Variants in EHMT1 observed in about 807,000 individuals in gnomAD.
EHMT1 encodes euchromatic histone lysine methyltransferase 1.
A neutral mutation model predicts 147.2 loss-of-function variants in EHMT1; 15 were observed. The observed-to-expected ratio is 0.10, with a 90% CI of 0.07 to 0.16. The LOEUF (loss-of-function observed/expected upper bound fraction) is 0.16. EHMT1 is among the 10% of genes least tolerant of loss of function. The pLI, the probability that EHMT1 is intolerant of heterozygous loss-of-function variation, is 1.00. For synonymous variants in EHMT1, 795 were observed against 709.6 expected, an observed-to-expected ratio of 1.12 and a Z score of -1.91; for missense variants, 1,587 against 1,772.4, an observed-to-expected ratio of 0.90 and a Z score of 1.88.
intron 10 of EHMT1, among the ~76,000 whole-genome samples, chr9:137,773,218 T>C (rs1016414604): frequency 6.6e-6 from 1 of 152,228 alleles, no homozygotes; most frequent in African/African-American, 2.4e-5. Context: ...AATAACTTGT[T>C]TTTCCTTTAA....
At chr9:137,737,774 C>T (rs557924273) in intron 4 of EHMT1, among the ~76,000 whole-genome samples, 5 of 152,178 alleles carry the variant, frequency 3.3e-5, no homozygotes, top group South Asian at 2.1e-4. Context: ...ACACTGTTAA[C>T]GGAATAAAAA....
At chr9:137,685,047 T>C (rs1942306216) in intron 1 of EHMT1, among the ~76,000 whole-genome samples, 2 of 152,356 alleles carry the variant, frequency 1.3e-5, no homozygotes, top group South Asian at 4.1e-4. Flanking sequence ...TGTATACCTC[T>C]AAATCTTTTT....
intron 3 of EHMT1, among the ~76,000 whole-genome samples, chr9:137,717,548 G>C (rs1215525974): frequency 6.7e-6 from 1 of 149,940 alleles, no homozygotes; most frequent in African/African-American, 2.5e-5. Flanking sequence ...GGAGACTGCA[G>C]TGAGCCCGGA....
At chr9:137,674,904 A>G (rs1350233157) in intron 1 of EHMT1, 1 of 152,280 alleles carries the variant, frequency 6.6e-6, no homozygotes, top group Non-Finnish European at 1.5e-5. Context: ...TGACTGGCAC[A>G]TAGGATTTCT....
chr9:137,798,324 C>A (rs779561198), intron 16 of EHMT1, among the ~76,000 whole-genome samples: 2 of 151,986 alleles, frequency 1.3e-5, no homozygotes, highest in Non-Finnish European at 2.9e-5. Flanking sequence ...ATCACTTGAG[C>A]ATGGGAATCA....
intron 1 of EHMT1, among the ~76,000 whole-genome samples, chr9:137,664,584 T>G (rs78515203): frequency 6.9e-6 from 1 of 144,532 alleles, no homozygotes; most frequent in Admixed American, 7.0e-5. Flanking sequence ...CAGACTTTAA[T>G]TTTTTTTTTT....
chr9:137,803,405 T>A, intron 18 of EHMT1: 1 of 640,118 alleles, frequency 1.6e-6, no homozygotes, highest in Non-Finnish European at 1.9e-6. Flanking sequence ...CACCCATTGC[T>A]GGGCTTTCTG....
chr9:137,687,363 A>T (rs753074813), intron 1 of EHMT1, among the ~76,000 whole-genome samples: 3 of 152,210 alleles, frequency 2.0e-5, no homozygotes, highest in Non-Finnish European at 4.4e-5. Context: ...TAACAGCAGC[A>T]AAGCCAGTTG....
At chr9:137,834,017 C>T (rs1564844679) in intron 25 of EHMT1, 2 of 404,272 alleles carry the variant, frequency 4.9e-6, no homozygotes, top group East Asian at 5.3e-5. Flanking sequence ...CAGACAGCCC[C>T]ATGGGTCCTC....
At chr9:137,695,330 T>C (rs1943313140) in intron 1 of EHMT1, among the ~76,000 whole-genome samples, 1 of 152,182 alleles carries the variant, frequency 6.6e-6, no homozygotes, top group Admixed American at 6.5e-5. Flanking sequence ...CTGTGAGATC[T>C]GTGTGTCGGG....
intron 25 of EHMT1, chr9:137,819,932 C>G (rs1320613529): frequency 6.6e-6 from 1 of 152,048 alleles, no homozygotes; most frequent in African/African-American, 2.4e-5. Context: ...ACTGTAGCCT[C>G]GTTCCCATCA....
At chr9:137,705,066 A>AAACCTTGAACCAGCCTTGGTTCAAGGG (rs1944150763) in intron 1 of EHMT1, among the ~76,000 whole-genome samples, 1 of 151,404 alleles carries the variant, frequency 6.6e-6, no homozygotes, top group Non-Finnish European at 1.5e-5. Context: ...TGTTTCAAGG[A>AAACCTTGAACCAGCCTTGGTTCAAGGG]AACCTTGAAC....
chr9:137,834,773 G>A lies in EHMT1; in HGVS notation c.3717G>A (p.Gly1239=), dbSNP rs760206882. ...TRLIEAGEQL[G]FDYGERFWDI... ...AGCCTTGGTTCTGTTCCCTCCCCAG[G>A]TTTGACTATGGAGAGCGCTTCTGGG... The change falls in exon 27 of 27, where the codon GGG becomes GGA. Residue 1239 remains glycine, a splice_region_variant and synonymous_variant. Coordinates refer to ENST00000460843, the MANE Select transcript of EHMT1 (RefSeq NM_024757.5). The A allele has an allele frequency of 3.1e-6, 5 of 1,613,432 alleles. No homozygotes were observed. Among genetic ancestry groups the A allele is most frequent in the Non-Finnish European group, 4.2e-6 (5 of 1,179,760 alleles).
intron 1 of EHMT1, among the ~76,000 whole-genome samples, chr9:137,704,627 G>T (rs902447001): frequency 6.6e-6 from 1 of 152,048 alleles, no homozygotes; most frequent in Non-Finnish European, 1.5e-5. Flanking sequence ...CATTATTGCT[G>T]CTTGGTATCC....
At chr9:137,719,469 C>T (rs1323899660) in intron 3 of EHMT1, among the ~76,000 whole-genome samples, 1 of 152,208 alleles carries the variant, frequency 6.6e-6, no homozygotes, top group Non-Finnish European at 1.5e-5. Flanking sequence ...GCGGGCACCT[C>T]GTGGTGCGGA....
chr9:137,647,933 T>G (rs1302962716), intron 1 of EHMT1, among the ~76,000 whole-genome samples: 8 of 152,134 alleles, frequency 5.3e-5, no homozygotes, highest in Non-Finnish European at 1.0e-4. Flanking sequence ...TCTCCTGCTT[T>G]CTTTTTCTTC....
intron 1 of EHMT1, among the ~76,000 whole-genome samples, chr9:137,653,734 C>T (rs986119824): frequency 1.3e-5 from 2 of 152,044 alleles, no homozygotes; most frequent in Non-Finnish European, 2.9e-5. Flanking sequence ...CTCCATGTTG[C>T]CCACGCTGGT....
rs764569458 is a variant in EHMT1 at position 137,717,172 on chromosome 9, T to C, written c.632T>C (p.Val211Ala). 9 of 1,612,122 alleles carry C rather than the reference T, an allele frequency of 5.6e-6. No individual in the cohort carries two copies. Among genetic ancestry groups the C allele is most frequent in the Non-Finnish European group, 5.9e-6 (7 of 1,179,978 alleles). ...HRARKTMPKS[V>A]VGLHAASKDP... is the part of the protein sequence containing the mutation. The stretch of plus-strand genomic sequence containing the variant: ...GCACGCAAGACCATGCCGAAGTCCG[T>C]CGTGGGCCTGGTAATTTTGTGTCTT... The change falls in exon 3 of 27, where the codon GTC becomes GCC. Residue 211 changes from valine (V) to alanine (A), a missense_variant. Physicochemically the swap from Val to Ala is moderately conservative, Grantham distance 64. Coordinates refer to ENST00000460843, the MANE Select transcript of EHMT1 (RefSeq NM_024757.5).
intron 1 of EHMT1, among the ~76,000 whole-genome samples, chr9:137,686,382 A>C (rs1020501239): frequency 1.6e-4 from 24 of 151,894 alleles, no homozygotes; most frequent in African/African-American, 5.8e-4. Context: ...GCAGTTTTAA[A>C]AATTTTTTTA....
Sources: allele counts gnomAD v4.1 joint callset (sites outside exome capture counted in the v4.1 genomes callset), GRCh38; gene constraint gnomAD v4.1.1; transcripts MANE v1.5; gene names NCBI Gene and HGNC (gene_info 2026-07-23, HGNC 2026-07-21).